UBE2G1: variants seen among roughly 807,000 people sequenced by gnomAD.
UBE2G1 encodes ubiquitin conjugating enzyme E2 G1.
UBE2G1 carries 5 observed loss-of-function variants against 22.7 expected under a neutral mutation model. The observed-to-expected ratio is 0.22, with a 90% CI of 0.12 to 0.46. The LOEUF (loss-of-function observed/expected upper bound fraction) is 0.46. UBE2G1 is among the 20% of genes least tolerant of loss of function. The pLI, the probability that UBE2G1 is intolerant of heterozygous loss-of-function variation, is 0.99. For missense variants in UBE2G1, 88 were observed against 203.9 expected, an observed-to-expected ratio of 0.43 and a Z score of 3.46; for synonymous variants, 74 against 67.5, an observed-to-expected ratio of 1.10 and a Z score of -0.47.
chr17:4,297,247 T>A (rs180919745), intron 2 of UBE2G1, among the ~76,000 whole-genome samples: 105 of 152,352 alleles, frequency 6.9e-4, no homozygotes, highest in Admixed American at 1.6e-3. Context: ...GGACATTTTC[T>A]TTTTCCTTAT....
chr17:4,275,357 A>C (rs189516116), intron 5 of UBE2G1, among the ~76,000 whole-genome samples: 1 of 152,370 alleles, frequency 6.6e-6, no homozygotes, highest in African/African-American at 2.4e-5. Flanking sequence ...GCTGACTTGC[A>C]ACAGTCATTT....
chr17:4,289,435 T>A (rs915484806), intron 3 of UBE2G1, 27 bp from the exon 4 acceptor site: 1 of 1,478,440 alleles, frequency 6.8e-7, no homozygotes, highest in Admixed American at 2.4e-5. Flanking sequence ...GAGGCTTGTT[T>A]CATATATTAC....
chr17:4,303,853 A>G (rs1285354268), intron 2 of UBE2G1, among the ~76,000 whole-genome samples: 7 of 152,220 alleles, frequency 4.6e-5, no homozygotes. Context: ...CAGATTTTTC[A>G]TATCATTGCC....
At chr17:4,304,372 C>G (rs1392393634) in intron 2 of UBE2G1, among the ~76,000 whole-genome samples, 6 of 152,160 alleles carry the variant, frequency 3.9e-5, no homozygotes, top group Admixed American at 3.9e-4. Context: ...GTTATCCATA[C>G]TGTTTGATAA....
intron 3 of UBE2G1, among the ~76,000 whole-genome samples, chr17:4,293,990 A>G (rs1025954791): frequency 2.6e-5 from 4 of 152,184 alleles, no homozygotes; most frequent in African/African-American, 9.7e-5. Flanking sequence ...AGAGAAACCT[A>G]TTACATAGCT....
At position 4,334,387 on chromosome 17, in the gene UBE2G1, G is replaced by T. The variant is rs549378988; in HGVS notation, c.47-27264C>A. Among the ~76,000 whole-genome samples, 346 of 152,190 alleles carry T rather than the reference G, an allele frequency of 2.3e-3. 1 individual carries two copies. The highest frequency in any genetic ancestry group is 7.7e-3 in the African/African-American group (321 of 41,516). ...AAAGTTTATCCAACTGTAAAAAATA[G>T]TATCTCTAAGCCTGCTTTTCTATAT... On this transcript the variant is annotated intron_variant, in intron 1 of 5. Coordinates refer to ENST00000396981, the MANE Select transcript of UBE2G1 (RefSeq NM_003342.5).
chr17:4,365,656 A>C (rs2143845072), intron 1 of UBE2G1, among the ~76,000 whole-genome samples: 1 of 152,118 alleles, frequency 6.6e-6, no homozygotes, highest in South Asian at 2.1e-4. Context: ...TGCCAGGCGG[A>C]GGCAGGCGAG....
At chr17:4,300,945 AAAG>A (rs1185647066) in intron 2 of UBE2G1, among the ~76,000 whole-genome samples, 60 of 151,812 alleles carry the variant, frequency 4.0e-4, no homozygotes, top group Non-Finnish European at 2.2e-4. Flanking sequence ...AACAAAAAAA[AAAG>A]AGAGAGAGAG....
intron 5 of UBE2G1, among the ~76,000 whole-genome samples, chr17:4,279,561 A>G (rs1968858698): frequency 6.6e-6 from 1 of 152,088 alleles, no homozygotes; most frequent in Non-Finnish European, 1.5e-5. Flanking sequence ...TCTAGCCAAG[A>G]AACGAAAAGT....
chr17:4,332,360 T>C (rs1969589422), intron 1 of UBE2G1, among the ~76,000 whole-genome samples: 1 of 152,202 alleles, frequency 6.6e-6, no homozygotes, highest in African/African-American at 2.4e-5. Context: ...AGGGTTATTG[T>C]TGGTGAAGCT....
chr17:4,324,252 CTAATA>C (rs1348930792), intron 1 of UBE2G1, among the ~76,000 whole-genome samples: 20 of 152,200 alleles, frequency 1.3e-4, no homozygotes, highest in Admixed American at 1.3e-3. Context: ...CCTGCACTTT[CTAATA>C]TAATAGCCAC....
At chr17:4,301,332 C>G in intron 2 of UBE2G1, 1 of 450,278 alleles carries the variant, frequency 2.2e-6, no homozygotes, top group South Asian at 2.0e-5. Context: ...TGCCTCTCAG[C>G]CTCCCACGGG....
chr17:4,359,392 G>C (rs1259735194), intron 1 of UBE2G1, among the ~76,000 whole-genome samples: 1 of 152,042 alleles, frequency 6.6e-6, no homozygotes, highest in Non-Finnish European at 1.5e-5. Flanking sequence ...ACTGGACATG[G>C]GTATAAAGGT....
At chr17:4,363,126 T>C (rs1476355382) in intron 1 of UBE2G1, among the ~76,000 whole-genome samples, 1 of 152,092 alleles carries the variant, frequency 6.6e-6, no homozygotes, top group Non-Finnish European at 1.5e-5. Context: ...GTCTCAAAAA[T>C]AAAATAAAAC....
intron 3 of UBE2G1, among the ~76,000 whole-genome samples, chr17:4,290,717 GT>G (rs1969023906): frequency 1.4e-5 from 2 of 146,152 alleles, no homozygotes; most frequent in South Asian, 4.4e-4. Context: ...CTGGGCTCTA[GT>G]GATCCTCCCA....
At chr17:4,363,705 C>A (rs1391324456) in intron 1 of UBE2G1, among the ~76,000 whole-genome samples, 2 of 151,450 alleles carry the variant, frequency 1.3e-5, no homozygotes, top group Non-Finnish European at 2.9e-5. Context: ...GTAATCCCAG[C>A]ACTTTGGGAG....
intron 5 of UBE2G1, among the ~76,000 whole-genome samples, chr17:4,274,376 T>TA (rs1320923221): frequency 6.6e-6 from 1 of 152,114 alleles, no homozygotes; most frequent in East Asian, 1.9e-4. Context: ...TTTTTGTATT[T>TA]TTAGTAGAGA....
intron 1 of UBE2G1, 126 bp downstream of exon 1, chr17:4,366,145 G>T: frequency 2.0e-6 from 2 of 1,018,452 alleles, no homozygotes; most frequent in Non-Finnish European, 1.3e-6. Context: ...GAGCCTCGAG[G>T]TCCCCACCCT....
intron 1 of UBE2G1, among the ~76,000 whole-genome samples, chr17:4,349,403 A>T (rs889261375): frequency 1.3e-5 from 2 of 152,228 alleles, no homozygotes; most frequent in African/African-American, 2.4e-5. Context: ...ACCTGCCGTC[A>T]TAACTGGCTG....
Sources: gnomAD v4.1 joint callset for allele counts (sites outside exome capture counted in the v4.1 genomes callset) on GRCh38, gnomAD v4.1.1 for gene constraint, MANE v1.5 for transcripts, NCBI Gene and HGNC (gene_info 2026-07-23, HGNC 2026-07-21) for gene names.